The following USP48 variants were observed in gnomAD, a reference collection of about 807,000 sequenced individuals.
The protein encoded by USP48 is ubiquitin specific peptidase 48, also known as ubiquitin carboxyl-terminal hydrolase 48.
In USP48, 43 loss-of-function variants were observed where a neutral mutation model predicts 150.7. The observed-to-expected ratio is 0.29, with a 90% CI of 0.22 to 0.37. USP48 has a LOEUF of 0.37. USP48 is among the 10% of genes least tolerant of loss of function. The probability of loss-of-function intolerance (pLI) is 1.00; values close to 1 mark genes in which losing one functional copy is unlikely to be tolerated. For synonymous variants in USP48, 396 were observed against 425.9 expected (o/e 0.93, Z 0.86); for missense variants, 813 against 1,249.6 (o/e 0.65, Z 5.27).
intron 9 of USP48, among the ~76,000 whole-genome samples, chr1:21,732,294 G>A (rs993516177): frequency 4.6e-5 from 7 of 151,954 alleles, no homozygotes; most frequent in Non-Finnish European, 7.4e-5. Flanking sequence ...CAAAAAAAGA[G>A]GTTATGGGCA....
chr1:21,783,080 T>G lies in USP48; in HGVS notation c.-123A>C. On this transcript the variant is annotated 5_prime_UTR_variant, in exon 1 of 27. Coordinates refer to ENST00000308271, the MANE Select transcript of USP48 (RefSeq NM_032236.8). ...AGGACCTGGCGCTCCTTCAGGCAGCTGGCCAGTCAATCACCTGTGCGCGCC... is the reference window on the plus strand; with the variant it reads ...AGGACCTGGCGCTCCTTCAGGCAGCGGGCCAGTCAATCACCTGTGCGCGCC... The G allele has an allele frequency of 7.4e-7, 1 of 1,348,644 alleles. No individual in the cohort carries two copies. The highest frequency in any genetic ancestry group is 3.7e-5 in the Admixed American group (1 of 27,366). 83.5% of individuals were successfully genotyped at this position (1,348,644 alleles called of 1,614,324 possible). A position where few individuals can be genotyped will look rare whatever the true frequency, so the allele number is the denominator to read the frequency against.
chr1:21,747,745 G>C (rs1470685302), intron 7 of USP48, among the ~76,000 whole-genome samples: 8 of 151,736 alleles, frequency 5.3e-5, no homozygotes, highest in Admixed American at 5.3e-4. Context: ...GCTAATTTTT[G>C]TATTTTTAGT....
At chr1:21,728,416 T>C (rs2097745783) in intron 11 of USP48, 154 bp downstream of exon 11, 15 of 1,421,224 alleles carry the variant, frequency 1.1e-5, no homozygotes, top group Middle Eastern at 3.7e-4. Context: ...CATCAAGTTA[T>C]TGTTGGTTTA....
intron 6 of USP48, 57 bp downstream of exon 6, chr1:21,751,450 A>T: frequency 1.5e-6 from 2 of 1,304,214 alleles, no homozygotes; most frequent in Non-Finnish European, 1.1e-6. Context: ...AATAGCATTC[A>T]GAACAGCATT....
chr1:21,682,839 C>T (rs1292226518), intron 25 of USP48, among the ~76,000 whole-genome samples: 1 of 150,802 alleles, frequency 6.6e-6, no homozygotes, highest in Non-Finnish European at 1.5e-5. Context: ...CATGCCACTG[C>T]ACTCCAGCTT....
chr1:21,742,166 T>C (rs1382106739), intron 8 of USP48, among the ~76,000 whole-genome samples: 1 of 152,168 alleles, frequency 6.6e-6, no homozygotes, highest in Non-Finnish European at 1.5e-5. Context: ...CTGTTCTTTC[T>C]ACTGCACTGC....
chr1:21,752,592 T>G lies in USP48; in HGVS notation c.600A>C (p.Gln200His). The G allele has an allele frequency of 6.2e-7, 1 of 1,613,682 alleles. No individual in the cohort carries two copies. Among genetic ancestry groups the G allele is most frequent in the South Asian group, 1.1e-5 (1 of 90,958 alleles). Residue 200 changes from glutamine (Q) to histidine (H), a missense_variant, in exon 5 of 27, where the codon CAA becomes CAC. Physicochemically the swap from Gln to His is conservative, Grantham distance 24. Transcript: ENST00000308271. ...MSLLEDTLSK[Q>H]KNPDVRNIVQ... ...CAATATTGCGCACATCTGGATTCTT[T>G]TGTTTAGACAAAGTATCTTCCAATA...
intron 11 of USP48, among the ~76,000 whole-genome samples, chr1:21,725,999 G>A (rs972446278): frequency 2.0e-5 from 3 of 152,112 alleles, no homozygotes; most frequent in Admixed American, 6.6e-5. Context: ...CAGTCAATTA[G>A]ATTAAAATGG....
intron 15 of USP48, among the ~76,000 whole-genome samples, chr1:21,709,963 CATTAAT>C (rs749124232): frequency 6.6e-6 from 1 of 151,900 alleles, no homozygotes; most frequent in Admixed American, 6.6e-5. Context: ...GTTAATATAT[CATTAAT>C]ATTAACTATG....
intron 6 of USP48, among the ~76,000 whole-genome samples, chr1:21,751,150 G>A (rs990515339): frequency 2.0e-5 from 3 of 152,136 alleles, no homozygotes; most frequent in African/African-American, 7.2e-5. Flanking sequence ...CCATATCAAT[G>A]TAAAAAAGTT....
intron 26 of USP48, among the ~76,000 whole-genome samples, chr1:21,679,886 G>A (rs193225394): frequency 6.6e-6 from 1 of 151,634 alleles, no homozygotes; most frequent in East Asian, 1.9e-4. Flanking sequence ...TAGAGATGGG[G>A]TTTCACCATG....
At position 21,684,640 on chromosome 1, in the gene USP48, TC is replaced by T. The variant is rs1205635003; in HGVS notation, c.3058+2550del. ...GTCTAGACCAATGTTTGACAGCATT[TC>T]CCCCATATTGAATTCTAGCAATTTC... On this transcript the variant is annotated intron_variant, in intron 25 of 26. Coordinates refer to ENST00000308271, the MANE Select transcript of USP48 (RefSeq NM_032236.8). Among the ~76,000 whole-genome samples, 6 of 151,728 alleles carry T rather than the reference TC, an allele frequency of 4.0e-5. No individual in the cohort carries two copies. In the Admixed American group the frequency reaches 4.0e-4, roughly 10 times the overall value.
intron 9 of USP48, chr1:21,732,731 A>G (rs2097759927): frequency 3.1e-6 from 1 of 322,862 alleles, no homozygotes; most frequent in Non-Finnish European, 6.0e-6. Context: ...AGAAAATAGA[A>G]TTGTTAAAAA....
chr1:21,694,961 G>T, intron 23 of USP48, 105 bp downstream of exon 23: 1 of 1,233,068 alleles, frequency 8.1e-7, no homozygotes, highest in Non-Finnish European at 1.1e-6. Flanking sequence ...TAAGTCTTCT[G>T]GAAAAAAACA....
chr1:21,727,536 G>C (rs926683779), intron 11 of USP48, among the ~76,000 whole-genome samples: 3 of 152,132 alleles, frequency 2.0e-5, no homozygotes, highest in African/African-American at 7.2e-5. Context: ...AGTGGACACA[G>C]GAAACCGTGA....
chr1:21,731,635 C>A (rs1007699579), intron 9 of USP48, among the ~76,000 whole-genome samples: 2 of 149,746 alleles, frequency 1.3e-5, no homozygotes, highest in African/African-American at 4.9e-5. Context: ...AATCCCAGCA[C>A]TTTGGGAGGC....
chr1:21,701,686 C>T (rs1033788172), intron 21 of USP48, 84 bp from the exon 22 acceptor site: 27 of 1,057,590 alleles, frequency 2.6e-5, no homozygotes, highest in Non-Finnish European at 3.6e-5. Flanking sequence ...GGACCGGCAA[C>T]CTTTATCAAG....
Position 21,705,174 on chromosome 1 carries a change from G to C in USP48, c.2384+553C>G, listed in dbSNP as rs140651293. On this transcript the variant is annotated intron_variant, in intron 19 of 26. Transcript: ENST00000308271. ...TTATGTGTTCCAATTTCCTTTTCCT[G>C]ATTTTCTGACAATGTTGGAAGCATT... Among the ~76,000 whole-genome samples, 16 of 152,238 alleles carry C rather than the reference G, an allele frequency of 1.1e-4. No homozygotes were observed. In the East Asian group the frequency reaches 2.9e-3, roughly 27 times the overall value.
intron 15 of USP48, among the ~76,000 whole-genome samples, chr1:21,714,438 A>G (rs1423235248): frequency 6.6e-6 from 1 of 151,986 alleles, no homozygotes; most frequent in Non-Finnish European, 1.5e-5. Flanking sequence ...CCCACTTAAT[A>G]TTTTTTTAGA....
Sources: allele counts gnomAD v4.1 joint callset (sites outside exome capture counted in the v4.1 genomes callset), GRCh38; gene constraint gnomAD v4.1.1; transcripts MANE v1.5; gene names NCBI Gene and HGNC (gene_info 2026-07-23, HGNC 2026-07-21).